FGF17: variants seen among roughly 807,000 people sequenced by gnomAD.
FGF17 encodes fibroblast growth factor 17.
A neutral mutation model predicts 23.5 loss-of-function variants in FGF17; 5 were observed. The observed-to-expected ratio is 0.21, with a 90% CI of 0.11 to 0.45. The LOEUF (loss-of-function observed/expected upper bound fraction) is 0.45. FGF17 is among the 20% of genes least tolerant of loss of function. The pLI is 0.99. For missense variants in FGF17, 221 were observed against 306.9 expected (o/e 0.72, Z 2.09); for synonymous variants, 136 against 123.0 (o/e 1.11, Z -0.70).
chr8:22,041,126 A>T (rs1800730487), upstream of FGF17, among the ~76,000 whole-genome samples: 1 of 152,138 alleles, frequency 6.6e-6, no homozygotes, highest in Non-Finnish European at 1.5e-5. Flanking sequence ...TAGGTTTGAC[A>T]TTCTTTGAGT....
intron 2 of FGF17, chr8:22,045,526 G>A: frequency 1.0e-6 from 1 of 993,416 alleles, no homozygotes; most frequent in Non-Finnish European, 1.2e-6. Context: ...CACAGTTAGT[G>A]CTTCAAAGAA....
chr8:22,044,824 C>G, intron 2 of FGF17: 2 of 985,562 alleles, frequency 2.0e-6, no homozygotes, highest in Non-Finnish European at 2.4e-6. Context: ...CTCCCCCTGC[C>G]TCAAAGGTGA....
At chr8:22,041,636 G>A (rs1344564905), upstream of FGF17, among the ~76,000 whole-genome samples, 1 of 152,190 alleles carries the variant, frequency 6.6e-6, no homozygotes, top group African/African-American at 2.4e-5. Context: ...TGAAAACCCA[G>A]GAAGGCTTCT....
intron 1 of FGF17, 71 bp from the exon 2 acceptor site, chr8:22,043,074 G>A (rs1404472856): frequency 6.2e-7 from 1 of 1,602,068 alleles, no homozygotes; most frequent in Non-Finnish European, 8.5e-7. Context: ...CAGGGCGGGG[G>A]CGGGGGCCTG....
At chr8:22,044,959 G>A (rs1010342924) in intron 2 of FGF17, 15 of 985,722 alleles carry the variant, frequency 1.5e-5, no homozygotes, top group Non-Finnish European at 1.7e-5. Flanking sequence ...GGCAGGGGCT[G>A]AGAAAAGCTG....
chr8:22,044,468 T>C (rs1800813849), intron 2 of FGF17: 1 of 122,528 alleles, frequency 8.2e-6, no homozygotes, highest in Non-Finnish European at 1.7e-5. Flanking sequence ...GTGAAAAGCT[T>C]GAAGGGGGAC....
chr8:22,044,558 G>A (rs1800817163), intron 2 of FGF17: 2 of 409,080 alleles, frequency 4.9e-6, no homozygotes, highest in Non-Finnish European at 3.3e-6. Flanking sequence ...TCGGCCAAGA[G>A]GGGCGGAGGG....
intron 2 of FGF17, chr8:22,044,739 G>A: frequency 1.0e-6 from 1 of 985,454 alleles, no homozygotes. Flanking sequence ...AGGTGCAATT[G>A]GAAATGAGCA....
chr8:22,042,242 C>T (rs1199339702), upstream of FGF17, among the ~76,000 whole-genome samples: 1 of 152,218 alleles, frequency 6.6e-6, no homozygotes, highest in Non-Finnish European at 1.5e-5. Context: ...ACCTCTGACC[C>T]CCAACCTGTT....
Position 22,048,431 on chromosome 8 carries a change from C to G in FGF17, c.*182C>G, listed in dbSNP as rs1801012886. On this transcript the variant is annotated 3_prime_UTR_variant, in exon 5 of 5. Coordinates refer to ENST00000359441, the MANE Select transcript of FGF17 (RefSeq NM_003867.4). This position sits in a 1 kb window ranked among gnomAD's most constrained non-coding sequence, Gnocchi z 6.9. Reference sequence around the variant, plus strand: ...GCCGGTGCCCCAGGGGCGGCTGGCACAGTGCCCCCTTCCCGGACGGGTGGC... The same window carrying G: ...GCCGGTGCCCCAGGGGCGGCTGGCAGAGTGCCCCCTTCCCGGACGGGTGGC... 4 of 616,216 alleles carry G rather than the reference C, an allele frequency of 6.5e-6. No individual in the cohort carries two copies. The highest frequency in any genetic ancestry group is 1.1e-5 in the Non-Finnish European group (4 of 353,478). The allele number at this position is 616,216 out of a possible 1,614,324, so 38.2% of individuals were successfully genotyped here. A position where few individuals can be genotyped will look rare whatever the true frequency, so the allele number is the denominator to read the frequency against.
intron 4 of FGF17, among the ~76,000 whole-genome samples, chr8:22,047,529 T>C (rs1181372049): frequency 6.6e-6 from 1 of 152,234 alleles, no homozygotes; most frequent in Non-Finnish European, 1.5e-5. Context: ...AGACCCCTGA[T>C]TGCAGACAGA....
chr8:22,046,469 G>A lies in FGF17; in HGVS notation c.251-58G>A, dbSNP rs560392250. The A allele has an allele frequency of 2.7e-6, 4 of 1,492,640 alleles. No individual in the cohort carries two copies. In the South Asian group the frequency reaches 4.6e-5, roughly 17 times the overall value. The allele number at this position is 1,492,640 out of a possible 1,614,324, so 92.5% of individuals were successfully genotyped here. On this transcript the variant is annotated intron_variant, in intron 3 of 4. Transcript: ENST00000359441. ...CAGTGTGGCTGGGTGGTCCCCTGCTGTAGCCATAGGCCGGCAGCCCCGATG... is the reference window on the plus strand; with the variant it reads ...CAGTGTGGCTGGGTGGTCCCCTGCTATAGCCATAGGCCGGCAGCCCCGATG...
upstream of FGF17, chr8:22,042,761 C>T: frequency 1.6e-6 from 1 of 641,386 alleles, no homozygotes; most frequent in Non-Finnish European, 2.8e-6. Context: ...TCCCCCTCCT[C>T]CTCCCTCTTT....
Position 22,046,525 on chromosome 8 carries a change from A to G in FGF17, c.251-2A>G. 1 of 1,610,862 alleles carries G rather than the reference A, an allele frequency of 6.2e-7. No homozygotes were observed. Among genetic ancestry groups the G allele is most frequent in the Non-Finnish European group, 8.5e-7 (1 of 1,177,936 alleles). On this transcript the variant is annotated splice_acceptor_variant, in intron 3 of 4. Coordinates refer to ENST00000359441, the MANE Select transcript of FGF17 (RefSeq NM_003867.4). LOFTEE classifies it high-confidence loss of function. The stretch of plus-strand genomic sequence containing the variant: ...AGGTCTTTCTCCCCTCCCCCACCAC[A>G]GCCAAGCTCATAGTGGAGACGGACA...
rs960627495 is a variant in FGF17 at position 22,048,130 on chromosome 8, CT to C, written c.533del (p.Leu178ProfsTer59). ...NQREAHFIKR[L>X]YQGQLPFPNH... is the part of the protein sequence containing the mutation. The stretch of plus-strand genomic sequence containing the variant: ...GCGCGAGGCCCACTTCATCAAGCGC[CT>C]CTACCAAGGCCAGCTGCCCTTCCCC... On this transcript the variant is annotated frameshift_variant, in exon 5 of 5. Transcript: ENST00000359441. LOFTEE classifies it high-confidence loss of function. The surrounding 1 kb of genome is among the most constrained non-coding windows in gnomAD (Gnocchi z 6.9). The C allele has an allele frequency of 1.2e-6, 2 of 1,613,378 alleles. No individual in the cohort carries two copies. Among genetic ancestry groups the C allele is most frequent in the Non-Finnish European group, 8.5e-7 (1 of 1,179,886 alleles).
intron 3 of FGF17, 67 bp from the exon 4 acceptor site, chr8:22,046,459 GT>G: frequency 4.1e-6 from 6 of 1,452,456 alleles, no homozygotes; most frequent in Non-Finnish European, 5.7e-6. Context: ...TGGCTGGGTG[GT>G]CCCCTGCTGT....
chr8:22,045,890 C>T, intron 2 of FGF17: 1 of 1,444,126 alleles, frequency 6.9e-7, no homozygotes, highest in Non-Finnish European at 9.1e-7. Flanking sequence ...TGTCCCCCAG[C>T]CTGGGCAGAC....
chr8:22,048,639 A>C lies in FGF17; in HGVS notation c.*390A>C. 1 of 246,676 alleles carries C rather than the reference A, an allele frequency of 4.1e-6. No individual in the cohort carries two copies. Among genetic ancestry groups the C allele is most frequent in the East Asian group, 9.7e-5 (1 of 10,298 alleles). 15.3% of individuals were successfully genotyped at this position (246,676 alleles called of 1,614,324 possible). On this transcript the variant is annotated 3_prime_UTR_variant, in exon 5 of 5. Transcript: ENST00000359441. This position sits in a 1 kb window ranked among gnomAD's most constrained non-coding sequence, Gnocchi z 6.9. ...TCCCTCAGTCTGCCCCCAGCCCCCAAACTCCTCCTGGCTAGACTGTAGGAA... is the reference window on the plus strand; with the variant it reads ...TCCCTCAGTCTGCCCCCAGCCCCCACACTCCTCCTGGCTAGACTGTAGGAA...
intron 2 of FGF17, chr8:22,044,614 C>A (rs1260046376): frequency 2.2e-6 from 2 of 902,144 alleles, no homozygotes; most frequent in Middle Eastern, 5.7e-4. Context: ...CAGGACCCCA[C>A]CCCCTGGAAG....
Sources: allele counts gnomAD v4.1 joint callset (sites outside exome capture counted in the v4.1 genomes callset), GRCh38; gene constraint gnomAD v4.1.1; non-coding constraint Gnocchi (gnomAD v3.1); transcripts MANE v1.5; gene names NCBI Gene and HGNC (gene_info 2026-07-23, HGNC 2026-07-21).